OSBPL2: variants seen among roughly 807,000 people sequenced by gnomAD.
OSBPL2 encodes the protein oxysterol-binding protein-related protein 2.
OSBPL2 carries 18 observed loss-of-function variants against 58.4 expected under a neutral mutation model. The observed-to-expected ratio is 0.31, with a 90% CI of 0.21 to 0.46. The LOEUF is 0.46. Ranked by LOEUF, OSBPL2 falls within the 20% of genes least tolerant of loss-of-function variation. OSBPL2 has a pLI of 1.00. For synonymous variants in OSBPL2, 221 were observed against 234.1 expected (o/e 0.94, Z 0.51); for missense variants, 461 against 616.5 (o/e 0.75, Z 2.67).
intron 11 of OSBPL2, among the ~76,000 whole-genome samples, chr20:62,286,962 G>T (rs1286399731): frequency 6.6e-6 from 1 of 152,276 alleles, no homozygotes; most frequent in African/African-American, 2.4e-5. Context: ...CATAGGACAT[G>T]CAGGTCGAGG....
At chr20:62,276,626 G>T (rs1982401648) in intron 6 of OSBPL2, among the ~76,000 whole-genome samples, 1 of 152,216 alleles carries the variant, frequency 6.6e-6, no homozygotes, top group African/African-American at 2.4e-5. Flanking sequence ...GAGCAAGTAG[G>T]ACTAGTTTGG....
intron 6 of OSBPL2, among the ~76,000 whole-genome samples, chr20:62,276,136 C>T (rs1372854133): frequency 1.1e-4 from 17 of 152,004 alleles, no homozygotes; most frequent in Non-Finnish European, 1.5e-4. Context: ...AGGCTGGTGT[C>T]GAACTCCCAA....
At chr20:62,270,728 T>C (rs1252520937) in intron 4 of OSBPL2, among the ~76,000 whole-genome samples, 1 of 6,154 alleles carries the variant, frequency 1.6e-4, no homozygotes, top group Non-Finnish European at 3.2e-4. Flanking sequence ...GTCCTCTCCT[T>C]GTCCCTCTCT....
At chr20:62,248,269 C>T (rs1461341923) in intron 1 of OSBPL2, among the ~76,000 whole-genome samples, 4 of 151,512 alleles carry the variant, frequency 2.6e-5, no homozygotes, top group Non-Finnish European at 4.4e-5. Flanking sequence ...ATTCTCCCAC[C>T]TCAGCCTCCT....
At chr20:62,240,389 C>T (rs918348182) in intron 1 of OSBPL2, among the ~76,000 whole-genome samples, 12 of 152,318 alleles carry the variant, frequency 7.9e-5, no homozygotes, top group East Asian at 1.9e-4. Context: ...GCTCTTACCC[C>T]AGCAGACGAT....
chr20:62,293,558 G>T (rs1009374161), intron 13 of OSBPL2, among the ~76,000 whole-genome samples: 1 of 152,230 alleles, frequency 6.6e-6, no homozygotes, highest in Non-Finnish European at 1.5e-5. Context: ...TCAAGATTTT[G>T]TTGGGAAGTG....
intron 1 of OSBPL2, among the ~76,000 whole-genome samples, chr20:62,254,776 C>T (rs1378887757): frequency 6.6e-6 from 1 of 152,242 alleles, no homozygotes; most frequent in African/African-American, 2.4e-5. Flanking sequence ...GTTCATCAAA[C>T]GCTGCTTTTC....
At chr20:62,275,572 C>T (rs905466080) in intron 6 of OSBPL2, among the ~76,000 whole-genome samples, 4 of 152,156 alleles carry the variant, frequency 2.6e-5, no homozygotes, top group African/African-American at 9.7e-5. Context: ...CTCAGCCTCC[C>T]AAGTAGCTGG....
chr20:62,269,773 C>T lies in OSBPL2; in HGVS notation c.259-2352C>T, dbSNP rs1537482. 6.6e-6 allele frequency among the ~76,000 whole-genome samples: 1 copy of T among 152,256 alleles called. No individual in the cohort carries two copies. The highest frequency in any genetic ancestry group is 2.1e-4 in the South Asian group (1 of 4,834). On this transcript the variant is annotated intron_variant, in intron 4 of 13. Coordinates refer to ENST00000313733, the MANE Select transcript of OSBPL2 (RefSeq NM_144498.4). This position sits in a 1 kb window ranked among gnomAD's most constrained non-coding sequence, Gnocchi z 4.2. The stretch of plus-strand genomic sequence containing the variant: ...TCTCTGCCACGTGTTCTTGCAGTGC[C>T]GAGCTCTGATCACAAGGGTCACCTC...
At chr20:62,250,382 G>T (rs1214778165) in intron 1 of OSBPL2, among the ~76,000 whole-genome samples, 6 of 152,120 alleles carry the variant, frequency 3.9e-5, no homozygotes, top group Non-Finnish European at 8.8e-5. Context: ...CAGATGTGGG[G>T]GTCTGAGGGC....
intron 4 of OSBPL2, among the ~76,000 whole-genome samples, chr20:62,266,461 A>G (rs1244475405): frequency 2.6e-5 from 4 of 152,190 alleles, no homozygotes; most frequent in Admixed American, 1.3e-4. Flanking sequence ...TCATGTCCCC[A>G]TAGCTGGATC....
Position 62,281,082 on chromosome 20 carries a change from C to T in OSBPL2, c.699C>T (p.Thr233=), listed in dbSNP as rs374457662. 1.9e-6 allele frequency: 3 copies of T among 1,613,972 alleles called. No homozygotes were observed. The African/African-American group carries it at 4.0e-5, about 22-fold the overall frequency. ...LLKHNEAYTW[T]NPTCCVHNVI... ...GACATAATGAAGCCTACACCTGGAC[C>T]AACCCCACCTGCTGCGTCCACAACG... The change falls in exon 8 of 14, where the codon ACC becomes ACT. Residue 233 remains threonine, a synonymous_variant. Coordinates refer to ENST00000313733, the MANE Select transcript of OSBPL2 (RefSeq NM_144498.4).
intron 6 of OSBPL2, among the ~76,000 whole-genome samples, chr20:62,275,386 A>G (rs6061477): frequency 0.57 from 86,152 of 151,570 alleles, 24,610 homozygotes; most frequent in African/African-American, 0.67. Context: ...GCACTTCTAC[A>G]TGTCAGTTTC....
Position 62,294,000 on chromosome 20 carries a change from G to A in OSBPL2, c.*113G>A, listed in dbSNP as rs745536400. 70 of 1,365,422 alleles carry A rather than the reference G, an allele frequency of 5.1e-5. No homozygotes were observed. The highest frequency in any genetic ancestry group is 6.5e-5 in the Non-Finnish European group (66 of 1,020,236). 84.6% of individuals were successfully genotyped at this position (1,365,422 alleles called of 1,614,324 possible). A position where few individuals can be genotyped will look rare whatever the true frequency, so the allele number is the denominator to read the frequency against. On this transcript the variant is annotated 3_prime_UTR_variant, in exon 14 of 14. Coordinates refer to ENST00000313733, the MANE Select transcript of OSBPL2 (RefSeq NM_144498.4). ...ACCAACTTTTCTAACGACTGAGTTC[G>A]CGGAGATAGCATCATCCCTGATCAA...
intron 5 of OSBPL2, among the ~76,000 whole-genome samples, chr20:62,272,680 C>G (rs1982140513): frequency 6.6e-6 from 1 of 152,166 alleles, no homozygotes; most frequent in Non-Finnish European, 1.5e-5. Flanking sequence ...GGATGAATTG[C>G]TCCTGGAGGT....
intron 3 of OSBPL2, among the ~76,000 whole-genome samples, chr20:62,262,725 C>T (rs769175715): frequency 2.0e-5 from 3 of 152,182 alleles, no homozygotes; most frequent in East Asian, 1.9e-4. Context: ...GACAAGAGCT[C>T]GTGCTTTCAT....
intron 12 of OSBPL2, 83 bp from the exon 13 acceptor site, chr20:62,291,620 A>T: frequency 8.9e-7 from 1 of 1,123,754 alleles, no homozygotes; most frequent in Non-Finnish European, 1.4e-6. Context: ...GAGACATGCC[A>T]ACTAGAGATC....
intron 13 of OSBPL2, 148 bp downstream of exon 13, chr20:62,291,941 C>T: frequency 1.7e-5 from 2 of 121,000 alleles, no homozygotes. Context: ...CTCTCACCCC[C>T]ACACCCCTGT....
intron 4 of OSBPL2, among the ~76,000 whole-genome samples, chr20:62,266,731 C>A (rs1358646464): frequency 6.6e-6 from 1 of 152,156 alleles, no homozygotes; most frequent in Admixed American, 6.6e-5. Context: ...GTAAATATTT[C>A]TTATGTATAT....
Sources: gnomAD v4.1 joint callset for allele counts (sites outside exome capture counted in the v4.1 genomes callset) on GRCh38, gnomAD v4.1.1 for gene constraint, Gnocchi (gnomAD v3.1) non-coding constraint, MANE v1.5 for transcripts, NCBI Gene and HGNC (gene_info 2026-07-23, HGNC 2026-07-21) for gene names.